The following DDI2 variants were observed in gnomAD, a reference collection of about 807,000 sequenced individuals.
The protein encoded by DDI2 is DDI proteasomal shuttling factor 2.
DDI2 carries 5 observed loss-of-function variants against 48.1 expected under a neutral mutation model. The observed-to-expected ratio is 0.10, with a 90% CI of 0.05 to 0.22. DDI2 has a LOEUF of 0.22. Among genes scored for constraint, DDI2 ranks in the 10% least tolerant of loss-of-function variants. The pLI is 1.00. For missense variants in DDI2, 285 were observed against 506.2 expected, an observed-to-expected ratio of 0.56 and a Z score of 4.19; for synonymous variants, 205 against 183.6, an observed-to-expected ratio of 1.12 and a Z score of -0.94.
chr1:15,633,642 G>C (rs1296559750), intron 4 of DDI2, 77 bp downstream of exon 4: 4 of 1,584,564 alleles, frequency 2.5e-6, no homozygotes. Context: ...GACATTGGTT[G>C]GGCATCTGCT....
At chr1:15,624,398 A>T (rs1268463518) in intron 1 of DDI2, among the ~76,000 whole-genome samples, 1 of 152,186 alleles carries the variant, frequency 6.6e-6, no homozygotes, top group Non-Finnish European at 1.5e-5. Flanking sequence ...ATTTGTGTTT[A>T]AATGAGGGTG....
intron 8 of DDI2, among the ~76,000 whole-genome samples, chr1:15,653,813 A>G (rs1640230212): frequency 6.6e-6 from 1 of 152,196 alleles, no homozygotes; most frequent in African/African-American, 2.4e-5. Flanking sequence ...ATTGAACGTT[A>G]CTGAAAATGC....
In DDI2 at chr1:15,651,702, C is replaced by A; in HGVS notation, c.994-4C>A. 1 of 1,594,654 alleles carries A rather than the reference C, an allele frequency of 6.3e-7. No individual in the cohort carries two copies. Among genetic ancestry groups the A allele is most frequent in the South Asian group, 1.1e-5 (1 of 88,018 alleles). On this transcript the variant is annotated splice_polypyrimidine_tract_variant and splice_region_variant and intron_variant, in intron 7 of 9. Coordinates refer to ENST00000480945, the MANE Select transcript of DDI2 (RefSeq NM_032341.5). Reference sequence around the variant, plus strand: ...CTATTATTCTTTGGTTTCTTTCTTCCAAGTGTTCCATCGACCTGAAGAAAA... The same window carrying A: ...CTATTATTCTTTGGTTTCTTTCTTCAAAGTGTTCCATCGACCTGAAGAAAA...
Position 15,661,591 on chromosome 1 carries a change from A to G in DDI2, c.*1801A>G. On this transcript the variant is annotated 3_prime_UTR_variant, in exon 10 of 10. Coordinates refer to ENST00000480945, the MANE Select transcript of DDI2 (RefSeq NM_032341.5). ...TCTTCCACCATTGATTTTTCCTGCC[A>G]CAGATATTGACCGCATTCTCCGTGC... 1 of 1,614,114 alleles carries G rather than the reference A, an allele frequency of 6.2e-7. No individual in the cohort carries two copies. The highest frequency in any genetic ancestry group is 1.1e-5 in the South Asian group (1 of 91,080).
Position 15,651,755 on chromosome 1 carries a change from C to G in DDI2, c.1043C>G (p.Ser348Cys). 6.2e-7 allele frequency: 1 copy of G among 1,613,844 alleles called. No individual in the cohort carries two copies. The highest frequency in any genetic ancestry group is 8.5e-7 in the Non-Finnish European group (1 of 1,179,818). Residue 348 changes from serine to cysteine, a missense_variant, in exon 8 of 10, where the codon TCC becomes TGC. Ser to Cys is a moderately radical substitution (Grantham distance 112). Coordinates refer to ENST00000480945, the MANE Select transcript of DDI2 (RefSeq NM_032341.5). ...KNVLVIGTTG[S>C]QTTFLPEGEL... is the part of the protein sequence containing the mutation. ...GTACTCGTGATCGGCACCACAGGCT[C>G]CCAGACCACCTTTCTTCCTGAGGGA...
rs921476848 is a variant in DDI2, at chr1:15,661,833, T to C, written c.*2043T>C. ...CACATATACAGTATATATAGAAACC[T>C]GCAAGCAGAATGTTGAGCCAGATTT... On this transcript the variant is annotated 3_prime_UTR_variant, in exon 10 of 10. Coordinates refer to ENST00000480945, the MANE Select transcript of DDI2 (RefSeq NM_032341.5). The C allele has an allele frequency of 4.6e-6, 6 of 1,313,024 alleles. No homozygotes were observed. The highest frequency in any genetic ancestry group is 2.4e-5 in the South Asian group (1 of 42,036). The allele number at this position is 1,313,024 out of a possible 1,614,324, so 81.3% of individuals were successfully genotyped here. A position where few individuals can be genotyped will look rare whatever the true frequency, so the allele number is the denominator to read the frequency against.
chr1:15,658,279 A>G (rs1640301675), intron 9 of DDI2, among the ~76,000 whole-genome samples: 1 of 151,876 alleles, frequency 6.6e-6, no homozygotes, highest in South Asian at 2.1e-4. Flanking sequence ...CCTACCTAGT[A>G]GCTGGGATTA....
intron 6 of DDI2, among the ~76,000 whole-genome samples, chr1:15,644,428 A>C (rs967336509): frequency 6.6e-6 from 1 of 152,018 alleles, no homozygotes; most frequent in Non-Finnish European, 1.5e-5. Context: ...TTTTCCCTAC[A>C]TTATACTGGT....
In DDI2 at chr1:15,632,931, TAA is replaced by T. The variant is rs766037022; in HGVS notation, c.506-496_506-495del. Among the ~76,000 whole-genome samples the T allele has an allele frequency of 3.4e-3, 358 of 106,022 alleles. 1 individual carries two copies. Among genetic ancestry groups the T allele is most frequent in the Non-Finnish European group, 4.3e-3 (228 of 53,572 alleles). The allele number at this position is 106,022 out of a possible 152,430, so 69.6% of individuals were successfully genotyped here. ...CAAATACTTTTTTTTTTTTTTTTTT[TAA>T]AAAAAAAAAAACAGGGTCTCACCAT... is the stretch of plus-strand genomic sequence containing the variant. On this transcript the variant is annotated intron_variant, in intron 3 of 9. Coordinates refer to ENST00000480945, the MANE Select transcript of DDI2 (RefSeq NM_032341.5).
At chr1:15,626,642 A>G (rs1440523794) in intron 1 of DDI2, 27 bp from the exon 2 acceptor site, 4 of 1,613,948 alleles carry the variant, frequency 2.5e-6, no homozygotes, top group South Asian at 2.2e-5. Context: ...AGTGCTTTAT[A>G]CTGTTGTATA....
chr1:15,660,869 T>A lies in DDI2; in HGVS notation c.*1079T>A. 6.2e-7 allele frequency: 1 copy of A among 1,614,158 alleles called. No individual in the cohort carries two copies. Among genetic ancestry groups the A allele is most frequent in the Non-Finnish European group, 8.5e-7 (1 of 1,180,032 alleles). On this transcript the variant is annotated 3_prime_UTR_variant, in exon 10 of 10. Coordinates refer to ENST00000480945, the MANE Select transcript of DDI2 (RefSeq NM_032341.5). Reference sequence around the variant, plus strand: ...TATGGCCATTACTCCTCTCCAAGTCTCTGTGGCAGTTGTCAGCCTTCTGTG... The same window carrying A: ...TATGGCCATTACTCCTCTCCAAGTCACTGTGGCAGTTGTCAGCCTTCTGTG...
rs1031914029 is a variant in DDI2, at chr1:15,665,719, A to G, written c.*5929A>G. Reference sequence around the variant, plus strand: ...TATGGTGGCTTTTATCCCGCCACATATATAAATATATATATATATAGCAAA... The same window carrying G: ...TATGGTGGCTTTTATCCCGCCACATGTATAAATATATATATATATAGCAAA... On this transcript the variant is annotated 3_prime_UTR_variant, in exon 10 of 10. Coordinates refer to ENST00000480945, the MANE Select transcript of DDI2 (RefSeq NM_032341.5). 2.0e-5 allele frequency: 3 copies of G among 152,232 alleles called. No individual in the cohort carries two copies. Among genetic ancestry groups the G allele is most frequent in the Non-Finnish European group, 4.4e-5 (3 of 68,036 alleles). 9.4% of individuals were successfully genotyped at this position (152,232 alleles called of 1,614,324 possible).
Position 15,661,167 on chromosome 1 carries a change from A to G in DDI2, c.*1377A>G, listed in dbSNP as rs533336082. ...AGACAGAAAAATTAACAGGTACTTC[A>G]TCTGACACTGGAAGAGAAGCTGTAG... On this transcript the variant is annotated 3_prime_UTR_variant, in exon 10 of 10. Coordinates refer to ENST00000480945, the MANE Select transcript of DDI2 (RefSeq NM_032341.5). The G allele has an allele frequency of 2.1e-4, 337 of 1,614,156 alleles. 3 individuals are homozygous for G. In the South Asian group the frequency reaches 3.6e-3, roughly 17 times the overall value.
chr1:15,649,904 A>G lies in DDI2; in HGVS notation c.993+81A>G, dbSNP rs1354069112. 3.7e-6 allele frequency: 5 copies of G among 1,359,990 alleles called. No homozygotes were observed. In the East Asian group the frequency reaches 1.0e-4, roughly 27 times the overall value. 84.2% of individuals were successfully genotyped at this position (1,359,990 alleles called of 1,614,324 possible). A position where few individuals can be genotyped will look rare whatever the true frequency, so the allele number is the denominator to read the frequency against. ...ATCACATTATTTTTATTGGTTACAT[A>G]TACTGGAAAACTAAGAAATAACGAC... On this transcript the variant is annotated intron_variant, in intron 7 of 9. Transcript: ENST00000480945.
At chr1:15,634,777 G>A (rs1639902127) in intron 4 of DDI2, among the ~76,000 whole-genome samples, 1 of 151,682 alleles carries the variant, frequency 6.6e-6, no homozygotes, top group Non-Finnish European at 1.5e-5. Context: ...CGCAATCCAC[G>A]CGCCTCAGCC....
At chr1:15,635,738 C>A (rs1639917985) in intron 4 of DDI2, among the ~76,000 whole-genome samples, 1 of 152,166 alleles carries the variant, frequency 6.6e-6, no homozygotes, top group Admixed American at 6.5e-5. Context: ...AACCTTGTAC[C>A]TCTGAAGAGA....
chr1:15,645,181 C>T (rs1166074107), intron 6 of DDI2, among the ~76,000 whole-genome samples: 1 of 152,228 alleles, frequency 6.6e-6, no homozygotes, highest in Non-Finnish European at 1.5e-5. Context: ...CGTGAGCCAC[C>T]GTTCCCAGCC....
At chr1:15,637,545 A>G (rs997663121) in intron 4 of DDI2, among the ~76,000 whole-genome samples, 4 of 151,188 alleles carry the variant, frequency 2.6e-5, no homozygotes, top group Admixed American at 2.6e-4. Context: ...TTTTTGTATT[A>G]TTAGTAGAGA....
At chr1:15,643,783 T>A (rs1640045119) in intron 6 of DDI2, 133 bp downstream of exon 6, 2 of 1,291,930 alleles carry the variant, frequency 1.5e-6, no homozygotes, top group East Asian at 5.2e-5. Flanking sequence ...TGTGTGGGTA[T>A]GTCTGAGCTA....
Sources: gnomAD v4.1 joint callset for allele counts (sites outside exome capture counted in the v4.1 genomes callset) on GRCh38, gnomAD v4.1.1 for gene constraint, MANE v1.5 for transcripts, NCBI Gene and HGNC (gene_info 2026-07-23, HGNC 2026-07-21) for gene names.